ESRP1: variants seen among roughly 807,000 people sequenced by gnomAD.
ESRP1 encodes the protein RNA-binding motif protein 35A.
A neutral mutation model predicts 81.7 loss-of-function variants in ESRP1; 33 were observed. The observed-to-expected ratio is 0.40, with a 90% CI of 0.31 to 0.54. The LOEUF (loss-of-function observed/expected upper bound fraction) is 0.54, where lower values mean the gene tolerates loss of function less well. Among genes scored for constraint, ESRP1 ranks in the 20% least tolerant of loss-of-function variants. ESRP1 has a pLI of 0.41. For synonymous variants in ESRP1, 320 were observed against 303.3 expected, an observed-to-expected ratio of 1.06 and a Z score of -0.57; for missense variants, 672 against 833.1, an observed-to-expected ratio of 0.81 and a Z score of 2.38.
chr8:94,641,946 A>C lies in ESRP1; in HGVS notation c.133-10A>C, dbSNP rs144813599. 1 of 1,613,524 alleles carries C rather than the reference A, an allele frequency of 6.2e-7. No homozygotes were observed. The highest frequency in any genetic ancestry group is 1.3e-5 in the African/African-American group (1 of 75,060). On this transcript the variant is annotated splice_polypyrimidine_tract_variant and intron_variant, in intron 1 of 15. Coordinates refer to ENST00000433389, the MANE Select transcript of ESRP1 (RefSeq NM_017697.4). ...GGGGGAAACTGACCCGTGCTTCTCT[A>C]CCTTCGGAGGTGGGACAGTTGCACG...
At chr8:94,671,246 A>G (rs184957755) in intron 10 of ESRP1, among the ~76,000 whole-genome samples, 17 of 152,344 alleles carry the variant, frequency 1.1e-4, no homozygotes, top group African/African-American at 3.6e-4. Flanking sequence ...GCTGGAATGC[A>G]TGAATCCCTT....
At position 94,695,371 on chromosome 8, in the gene ESRP1, T is replaced by TTTTTTTTTTTTTTTC. The variant is rs1351009238; in HGVS notation, c.1972-1480_1972-1479insTTTTTTTTTTTTTCT. Among the ~76,000 whole-genome samples the TTTTTTTTTTTTTTTC allele has an allele frequency of 8.0e-4, 90 of 111,992 alleles. 5 individuals are homozygous for TTTTTTTTTTTTTTTC. Among genetic ancestry groups the TTTTTTTTTTTTTTTC allele is most frequent in the African/African-American group, 1.1e-3 (33 of 28,838 alleles). The allele number at this position is 111,992 out of a possible 152,430, so 73.5% of individuals were successfully genotyped here. ...TTCTTTTTTTTTTTTTTTTTTTTTTTTGAGACGGAGTCTCACTCTGTCGCC... is the reference window on the plus strand; with the variant it reads ...TTCTTTTTTTTTTTTTTTTTTTTTTTTTTTTTTTTTTTTTCTGAGACGGAGTCTCACTCTGTCGCC... On this transcript the variant is annotated intron_variant, in intron 14 of 15. Transcript: ENST00000433389.
At chr8:94,641,648 C>T in intron 1 of ESRP1, 198 bp downstream of exon 1, 1 of 794,228 alleles carries the variant, frequency 1.3e-6, no homozygotes, top group Non-Finnish European at 1.9e-6. Flanking sequence ...CAGTCCTCCG[C>T]AACTTAGCTC....
chr8:94,682,784 C>A (rs552873625), intron 13 of ESRP1, among the ~76,000 whole-genome samples: 5 of 150,084 alleles, frequency 3.3e-5, no homozygotes, highest in African/African-American at 1.2e-4. Context: ...TGAGGAATAA[C>A]CATTGTCTTT....
intron 13 of ESRP1, among the ~76,000 whole-genome samples, chr8:94,691,567 A>G (rs1277209468): frequency 6.6e-6 from 1 of 152,214 alleles, no homozygotes; most frequent in Non-Finnish European, 1.5e-5. Flanking sequence ...CAAATGAAGG[A>G]ATTAAGTGAT....
chr8:94,673,115 T>C (rs1277843675), intron 11 of ESRP1, among the ~76,000 whole-genome samples: 1 of 152,216 alleles, frequency 6.6e-6, no homozygotes, highest in African/African-American at 2.4e-5. Context: ...TCAGTCAATA[T>C]TGATATTAAA....
At chr8:94,663,791 G>A (rs1345123805) in intron 6 of ESRP1, among the ~76,000 whole-genome samples, 4 of 152,048 alleles carry the variant, frequency 2.6e-5, no homozygotes, top group African/African-American at 4.8e-5. Flanking sequence ...AACGTGGGAG[G>A]GATAAGACAT....
At position 94,646,254 on chromosome 8, in the gene ESRP1, C is replaced by T; in HGVS notation, c.462C>T (p.Asp154=). 2 of 1,611,308 alleles carry T rather than the reference C, an allele frequency of 1.2e-6. No homozygotes were observed. Among genetic ancestry groups the T allele is most frequent in the Non-Finnish European group, 1.7e-6 (2 of 1,178,202 alleles). Residue 154 remains aspartate, a synonymous_variant, in exon 4 of 16, where the codon GAC becomes GAT. Coordinates refer to ENST00000433389, the MANE Select transcript of ESRP1 (RefSeq NM_017697.4). ...GTTGCCCTGGTTCACCTGATATTGA[C>T]AAACTGGACGTTGCCACAATGACAG... ...KKCCPGSPDI[D]KLDVATMTEY...
chr8:94,700,465 T>C (rs933938769), intron 15 of ESRP1, among the ~76,000 whole-genome samples: 1 of 152,200 alleles, frequency 6.6e-6, no homozygotes, highest in Non-Finnish European at 1.5e-5. Flanking sequence ...TACCAGCAGC[T>C]GGAAGAGGCA....
chr8:94,695,240 G>A (rs11787473), intron 14 of ESRP1, among the ~76,000 whole-genome samples: 20,606 of 150,820 alleles, frequency 0.14, 1,467 homozygotes, highest in Non-Finnish European at 0.16. Context: ...CTTAATGGGA[G>A]GTTTTAATTT....
Position 94,641,304 on chromosome 8 carries a change from T to TCCCCC in ESRP1, c.-11_-10insCCCCC. The TCCCCC allele has an allele frequency of 2.4e-6, 2 of 846,436 alleles. No individual in the cohort carries two copies. The highest frequency in any genetic ancestry group is 2.1e-5 in the Admixed American group (1 of 48,430). The allele number at this position is 846,436 out of a possible 1,614,324, so 52.4% of individuals were successfully genotyped here. ...CGCCTCCCGACCCCCCCTCTCCCCC[T>TCCCCC]CCCCACCTATCGTCATGACGGCCTC... On this transcript the variant is annotated 5_prime_UTR_variant, in exon 1 of 16. Transcript: ENST00000433389.
intron 13 of ESRP1, among the ~76,000 whole-genome samples, chr8:94,689,811 C>CTTTTTTTTGTTTTTTTTTTTTTTTT (rs1809304755): frequency 3.1e-5 from 2 of 64,680 alleles, no homozygotes; most frequent in Non-Finnish European, 3.0e-5. Flanking sequence ...TGATGCCTGG[C>CTTTTTTTTGTTTTTTTTTTTTTTTT]TTTTTTTTTT....
chr8:94,695,496 A>ACG (rs1184911663), intron 14 of ESRP1, among the ~76,000 whole-genome samples: 33 of 149,466 alleles, frequency 2.2e-4, no homozygotes, highest in Non-Finnish European at 3.7e-4. Flanking sequence ...CTGGGATTAC[A>ACG]CGTGTGCCAC....
intron 13 of ESRP1, among the ~76,000 whole-genome samples, chr8:94,690,094 A>C (rs1809327498): frequency 6.6e-6 from 1 of 151,294 alleles, no homozygotes; most frequent in African/African-American, 2.4e-5. Context: ...CTGGGATTAC[A>C]GGCGTGAGCC....
At chr8:94,672,640 C>T (rs1198603138) in intron 11 of ESRP1, among the ~76,000 whole-genome samples, 4 of 151,956 alleles carry the variant, frequency 2.6e-5, no homozygotes, top group African/African-American at 9.7e-5. Flanking sequence ...TCAAGCAATT[C>T]TCCTGCCTCA....
At chr8:94,657,359 T>C (rs1818475419) in intron 4 of ESRP1, among the ~76,000 whole-genome samples, 1 of 152,196 alleles carries the variant, frequency 6.6e-6, no homozygotes, top group African/African-American at 2.4e-5. Context: ...TACTTATAAA[T>C]TGATAAGGGA....
chr8:94,667,862 A>G, intron 9 of ESRP1, 87 bp from the exon 10 acceptor site: 5 of 1,152,360 alleles, frequency 4.3e-6, no homozygotes, highest in Non-Finnish European at 4.9e-6. Flanking sequence ...AACTCAAGAC[A>G]TTGGCAGGAC....
intron 10 of ESRP1, among the ~76,000 whole-genome samples, chr8:94,670,368 T>C (rs1819254225): frequency 6.6e-6 from 1 of 152,206 alleles, no homozygotes; most frequent in African/African-American, 2.4e-5. Flanking sequence ...TTTTGCTGTG[T>C]CTGGATTGTT....
chr8:94,658,233 A>C (rs556082458), intron 4 of ESRP1, among the ~76,000 whole-genome samples: 5 of 152,218 alleles, frequency 3.3e-5, no homozygotes, highest in Non-Finnish European at 7.4e-5. Flanking sequence ...TTAGTTCTAC[A>C]ACTGTTTGGT....
Sources: gnomAD v4.1 joint callset for allele counts (sites outside exome capture counted in the v4.1 genomes callset) on GRCh38, gnomAD v4.1.1 for gene constraint, MANE v1.5 for transcripts, NCBI Gene and HGNC (gene_info 2026-07-23, HGNC 2026-07-21) for gene names.